MEI4: variants seen among roughly 807,000 people sequenced by gnomAD.
The protein encoded by MEI4 is meiosis-specific protein MEI4.
A neutral mutation model predicts 31.4 loss-of-function variants in MEI4; 27 were observed. That is an observed-to-expected ratio of 0.86 (90% CI 0.63 to 1.19). The LOEUF (loss-of-function observed/expected upper bound fraction) is 1.19. Ranked by LOEUF, MEI4 falls within the 50% of genes most tolerant of loss-of-function variation. The pLI is 0.00. For missense variants in MEI4, 329 were observed against 398.9 expected, an observed-to-expected ratio of 0.82 and a Z score of 1.49; for synonymous variants, 122 against 145.4, an observed-to-expected ratio of 0.84 and a Z score of 1.16.
At chr6:77,816,337 C>T (rs972787526) in intron 3 of MEI4, among the ~76,000 whole-genome samples, 3 of 151,960 alleles carry the variant, frequency 2.0e-5, no homozygotes, top group Non-Finnish European at 4.4e-5. Context: ...AGAAGGAGGT[C>T]CTTATATTAA....
intron 4 of MEI4, among the ~76,000 whole-genome samples, chr6:77,833,284 T>C (rs905664550): frequency 2.6e-5 from 4 of 152,160 alleles, no homozygotes; most frequent in Non-Finnish European, 5.9e-5. Flanking sequence ...GGTGACCTAT[T>C]TGATTTTCTA....
chr6:77,862,976 G>T (rs1292286516), intron 4 of MEI4, among the ~76,000 whole-genome samples: 1 of 152,166 alleles, frequency 6.6e-6, no homozygotes, highest in Non-Finnish European at 1.5e-5. Context: ...GTCTGGAGTG[G>T]ACCTCCAGCA....
chr6:77,826,975 G>A (rs1441339010), intron 3 of MEI4, among the ~76,000 whole-genome samples: 2 of 152,090 alleles, frequency 1.3e-5, no homozygotes, highest in African/African-American at 2.4e-5. Context: ...TAAACATATA[G>A]GTCAAAATAC....
chr6:77,694,578 C>T (rs1177984802), intron 2 of MEI4, among the ~76,000 whole-genome samples: 2 of 152,114 alleles, frequency 1.3e-5, no homozygotes, highest in Non-Finnish European at 2.9e-5. Flanking sequence ...CATGTCCCTA[C>T]AAAGGACATG....
At chr6:77,802,454 C>A (rs963818239) in intron 3 of MEI4, among the ~76,000 whole-genome samples, 5 of 152,142 alleles carry the variant, frequency 3.3e-5, no homozygotes, top group African/African-American at 1.2e-4. Context: ...TTAATTGGAG[C>A]ATTTAGCCCA....
intron 4 of MEI4, among the ~76,000 whole-genome samples, chr6:77,880,213 A>T (rs1771445148): frequency 6.7e-6 from 1 of 148,660 alleles, no homozygotes; most frequent in Non-Finnish European, 1.5e-5. Context: ...TGAATGTATT[A>T]TTGTGGGGTT....
chr6:77,842,623 T>C (rs1277025757), intron 4 of MEI4, among the ~76,000 whole-genome samples: 1 of 152,124 alleles, frequency 6.6e-6, no homozygotes, highest in African/African-American at 2.4e-5. Context: ...TCCACTTCCA[T>C]TGCAGTCATT....
chr6:77,754,074 G>T lies in MEI4; in HGVS notation c.233-7056G>T, dbSNP rs961014217. 5.9e-5 allele frequency among the ~76,000 whole-genome samples: 9 copies of T among 152,126 alleles called. No individual in the cohort carries two copies. In the East Asian group the frequency reaches 1.2e-3, roughly 20 times the overall value. On this transcript the variant is annotated intron_variant, in intron 2 of 4. Transcript: ENST00000684080. ...ATGAAAGCACATGGACACAGGGAGG[G>T]GAACATCACACACCATGTCCTGTAG...
chr6:77,875,522 C>T (rs1258347119), intron 4 of MEI4, among the ~76,000 whole-genome samples: 2 of 152,088 alleles, frequency 1.3e-5, no homozygotes, highest in East Asian at 3.9e-4. Flanking sequence ...ATCTCTGAAA[C>T]CTTGAAATGG....
chr6:77,851,064 A>T (rs1381706396), intron 4 of MEI4, among the ~76,000 whole-genome samples: 1 of 152,220 alleles, frequency 6.6e-6, no homozygotes, highest in African/African-American at 2.4e-5. Flanking sequence ...CATCAGAGAC[A>T]TGCAAATCAA....
At chr6:77,702,847 G>GT (rs1300096759) in intron 2 of MEI4, among the ~76,000 whole-genome samples, 9 of 152,096 alleles carry the variant, frequency 5.9e-5, no homozygotes, top group Non-Finnish European at 1.0e-4. Context: ...CTCAGCCCCA[G>GT]TTTTTTATAC....
At position 77,835,418 on chromosome 6, in the gene MEI4, AAAG is replaced by A. The variant is rs1263286300; in HGVS notation, c.900+6361_900+6363del. ...CACACACACACAAATAAAAAAAAAA[AAAG>A]AAGAGAAAAAAGCTCCCAAAAACAG... is the stretch of plus-strand genomic sequence containing the variant. On this transcript the variant is annotated intron_variant, in intron 4 of 4. Coordinates refer to ENST00000684080, the MANE Select transcript of MEI4 (RefSeq NM_001322247.2). Among the ~76,000 whole-genome samples, 4 of 150,992 alleles carry A rather than the reference AAAG, an allele frequency of 2.6e-5. No homozygotes were observed. The South Asian group carries it at 6.2e-4, about 24-fold the overall frequency.
chr6:77,857,310 T>A (rs1770768403), intron 4 of MEI4, among the ~76,000 whole-genome samples: 1 of 152,156 alleles, frequency 6.6e-6, no homozygotes, highest in African/African-American at 2.4e-5. Context: ...ATTAAGCAAA[T>A]AGTTGAAGCA....
At chr6:77,692,208 A>G (rs533651210) in intron 2 of MEI4, among the ~76,000 whole-genome samples, 2 of 151,868 alleles carry the variant, frequency 1.3e-5, no homozygotes, top group East Asian at 3.9e-4. Context: ...CTTTGGTCTT[A>G]TTTTAAGTGA....
chr6:77,803,336 G>A (rs1183049628), intron 3 of MEI4, among the ~76,000 whole-genome samples: 1 of 152,066 alleles, frequency 6.6e-6, no homozygotes, highest in Non-Finnish European at 1.5e-5. Flanking sequence ...GTCCTTTAAG[G>A]ACTTCTCTGC....
At chr6:77,791,984 C>G (rs1332402622) in intron 3 of MEI4, among the ~76,000 whole-genome samples, 1 of 152,196 alleles carries the variant, frequency 6.6e-6, no homozygotes, top group African/African-American at 2.4e-5. Flanking sequence ...CACCATAGTA[C>G]TCTTTACTGC....
chr6:77,773,945 A>G (rs189161763), intron 3 of MEI4, among the ~76,000 whole-genome samples: 5 of 152,246 alleles, frequency 3.3e-5, no homozygotes, highest in African/African-American at 1.2e-4. Context: ...GGAAAATGCA[A>G]ATTAAAACGA....
chr6:77,846,137 G>A (rs919870644), intron 4 of MEI4, among the ~76,000 whole-genome samples: 1 of 151,444 alleles, frequency 6.6e-6, no homozygotes, highest in African/African-American at 2.4e-5. Flanking sequence ...TTTTGAGATG[G>A]AGTCTTGCTG....
chr6:77,789,589 G>C (rs1768854859), intron 3 of MEI4, among the ~76,000 whole-genome samples: 1 of 152,144 alleles, frequency 6.6e-6, no homozygotes, highest in Non-Finnish European at 1.5e-5. Flanking sequence ...CAAAAAGTGG[G>C]TGAAGGACAT....
Sources: gnomAD v4.1 joint callset for allele counts (sites outside exome capture counted in the v4.1 genomes callset) on GRCh38, gnomAD v4.1.1 for gene constraint, MANE v1.5 for transcripts, NCBI Gene and HGNC (gene_info 2026-07-23, HGNC 2026-07-21) for gene names.